Variants in GHR observed in about 807,000 individuals in gnomAD.
GHR encodes the protein GH receptor.
In GHR, 35 loss-of-function variants were observed where a neutral mutation model predicts 67.1. The observed-to-expected ratio is 0.52, with a 90% CI of 0.40 to 0.69. The LOEUF (loss-of-function observed/expected upper bound fraction) is 0.69. Ranked by LOEUF, GHR falls within the 30% of genes least tolerant of loss-of-function variation. The pLI is 0.00. For synonymous variants in GHR, 272 were observed against 269.1 expected (o/e 1.01, Z -0.10); for missense variants, 792 against 764.6 (o/e 1.04, Z -0.42).
At chr5:42,505,948 AT>A (rs1746755483) in intron 1 of GHR, among the ~76,000 whole-genome samples, 1 of 152,202 alleles carries the variant, frequency 6.6e-6, no homozygotes, top group Admixed American at 6.5e-5. Context: ...TCTACAATTT[AT>A]CTCCCAAATT....
At chr5:42,523,610 G>A (rs1176990173) in intron 1 of GHR, among the ~76,000 whole-genome samples, 2 of 152,008 alleles carry the variant, frequency 1.3e-5, no homozygotes, top group Non-Finnish European at 2.9e-5. Flanking sequence ...TCACTGAATG[G>A]CTCTTCCCCT....
intron 2 of GHR, among the ~76,000 whole-genome samples, chr5:42,573,935 G>A (rs1220070124): frequency 7.5e-6 from 1 of 133,310 alleles, no homozygotes; most frequent in Non-Finnish European, 1.6e-5. Context: ...TGTGCTATGT[G>A]TAAATATTAA....
chr5:42,582,469 C>T lies in GHR; in HGVS notation c.70+16525C>T, dbSNP rs114077996. On this transcript the variant is annotated intron_variant, in intron 2 of 9. Coordinates refer to ENST00000230882, the MANE Select transcript of GHR (RefSeq NM_000163.5). ...CCTGCCTATGGATAAGAGCTACCCA[C>T]TTCAGGTCTCCTGAGAACTGTACTG... 6.2e-3 allele frequency among the ~76,000 whole-genome samples: 938 copies of T among 152,352 alleles called. 9 individuals are homozygous for T. Among genetic ancestry groups the T allele is most frequent in the African/African-American group, 0.021 (863 of 41,584 alleles).
chr5:42,576,123 T>TAATAAAATAAAATAA lies in GHR; in HGVS notation c.70+10181_70+10182insTAAAATAAAATAAAA, dbSNP rs1750711505. On this transcript the variant is annotated intron_variant, in intron 2 of 9. Coordinates refer to ENST00000230882, the MANE Select transcript of GHR (RefSeq NM_000163.5). ...ATAAATAAAATAAAATAAAATAAAA[T>TAATAAAATAAAATAA]AAAATAAAATAAAATAAAATAGTAA... Among the ~76,000 whole-genome samples, 318 of 84,912 alleles carry TAATAAAATAAAATAA rather than the reference T, an allele frequency of 3.7e-3. 21 individuals carry two copies. Among genetic ancestry groups the TAATAAAATAAAATAA allele is most frequent in the African/African-American group, 0.015 (290 of 19,472 alleles). 55.7% of individuals were successfully genotyped at this position (84,912 alleles called of 152,430 possible).
chr5:42,424,319 A>C lies in GHR; in HGVS notation c.-12+364A>C. On this transcript the variant is annotated intron_variant, in intron 1 of 9. Coordinates refer to ENST00000230882, the MANE Select transcript of GHR (RefSeq NM_000163.5). This position sits in a 1 kb window ranked among gnomAD's most constrained non-coding sequence, Gnocchi z 4.1. Reference sequence around the variant, plus strand: ...GCGAGTAGTGTACGTGGAGGGGTTTACTCCGGAGACAGTTTTGTTAAAGTC... The same window carrying C: ...GCGAGTAGTGTACGTGGAGGGGTTTCCTCCGGAGACAGTTTTGTTAAAGTC... 1.9e-6 allele frequency: 1 copy of C among 539,482 alleles called. No homozygotes were observed. The allele number at this position is 539,482 out of a possible 1,614,324, so 33.4% of individuals were successfully genotyped here.
intron 1 of GHR, among the ~76,000 whole-genome samples, chr5:42,518,350 T>C (rs1747332144): frequency 6.6e-6 from 1 of 152,072 alleles, no homozygotes; most frequent in Non-Finnish European, 1.5e-5. Context: ...CTTCTTGAGG[T>C]GTAGGGAAAA....
chr5:42,426,092 C>T (rs370713923), intron 1 of GHR, among the ~76,000 whole-genome samples: 1 of 152,180 alleles, frequency 6.6e-6, no homozygotes, highest in Non-Finnish European at 1.5e-5. Flanking sequence ...CTAGAGGCCT[C>T]CTGTATGCTA....
chr5:42,720,901 T>G lies in GHR; in HGVS notation c.*1477T>G, dbSNP rs1758986622. 1 of 141,278 alleles carries G rather than the reference T, an allele frequency of 7.1e-6. No individual in the cohort carries two copies. The highest frequency in any genetic ancestry group is 1.5e-5 in the Non-Finnish European group (1 of 64,810). The allele number at this position is 141,278 out of a possible 1,614,324, so 8.8% of individuals were successfully genotyped here. A position where few individuals can be genotyped will look rare whatever the true frequency, so the allele number is the denominator to read the frequency against. ...TAGAAATCATTTTGCAATCCCTTAATATCCTAAACATCATTCATTTTTGTT... is the reference window on the plus strand; with the variant it reads ...TAGAAATCATTTTGCAATCCCTTAAGATCCTAAACATCATTCATTTTTGTT... On this transcript the variant is annotated 3_prime_UTR_variant, in exon 10 of 10. Coordinates refer to ENST00000230882, the MANE Select transcript of GHR (RefSeq NM_000163.5).
At chr5:42,623,945 T>TGCTAG (rs1753577728) in intron 2 of GHR, among the ~76,000 whole-genome samples, 1 of 152,198 alleles carries the variant, frequency 6.6e-6, no homozygotes. Context: ...AGACATTAGG[T>TGCTAG]ACATGGCTCT....
intron 1 of GHR, among the ~76,000 whole-genome samples, chr5:42,536,931 T>G (rs543163667): frequency 6.6e-6 from 1 of 152,272 alleles, no homozygotes; most frequent in South Asian, 2.1e-4. Flanking sequence ...TCTTCTAGGT[T>G]TTCTAGTTTA....
chr5:42,537,648 A>G (rs1378989820), intron 1 of GHR, among the ~76,000 whole-genome samples: 2 of 152,110 alleles, frequency 1.3e-5, no homozygotes, highest in East Asian at 3.9e-4. Flanking sequence ...GTTGGATGAA[A>G]TGTTCTGTAT....
intron 1 of GHR, among the ~76,000 whole-genome samples, chr5:42,497,833 T>C (rs920386828): frequency 2.2e-4 from 34 of 152,120 alleles, no homozygotes; most frequent in African/African-American, 8.2e-4. Context: ...GAGTCACCTG[T>C]TTACAGGTGA....
chr5:42,669,225 A>G (rs1756149865), intron 3 of GHR, among the ~76,000 whole-genome samples: 1 of 152,232 alleles, frequency 6.6e-6, no homozygotes, highest in African/African-American at 2.4e-5. Flanking sequence ...TGAAGAATGA[A>G]TGAATATTAA....
chr5:42,502,586 G>C (rs1170867318), intron 1 of GHR, among the ~76,000 whole-genome samples: 1 of 151,838 alleles, frequency 6.6e-6, no homozygotes, highest in African/African-American at 2.4e-5. Flanking sequence ...TTGTTCTTTA[G>C]TCAGAAAAAT....
chr5:42,498,005 G>A (rs942724798), intron 1 of GHR, among the ~76,000 whole-genome samples: 7 of 152,170 alleles, frequency 4.6e-5, no homozygotes, highest in South Asian at 2.1e-4. Context: ...TGCCAAGGGG[G>A]AGGTTGGAAG....
intron 8 of GHR, among the ~76,000 whole-genome samples, chr5:42,716,207 C>T (rs1758715313): frequency 6.6e-6 from 1 of 151,220 alleles, no homozygotes; most frequent in African/African-American, 2.4e-5. Flanking sequence ...AGCAGCATGA[C>T]ACAAAGAACC....
chr5:42,527,547 C>G (rs1328346437), intron 1 of GHR, among the ~76,000 whole-genome samples: 1 of 152,176 alleles, frequency 6.6e-6, no homozygotes, highest in Non-Finnish European at 1.5e-5. Flanking sequence ...CACAAGAGCA[C>G]TGTATTCATA....
chr5:42,445,300 C>T (rs749802120), intron 1 of GHR, among the ~76,000 whole-genome samples: 1 of 152,108 alleles, frequency 6.6e-6, no homozygotes, highest in Admixed American at 6.5e-5. Flanking sequence ...AATGTTATTG[C>T]TAATGCACAT....
chr5:42,465,211 G>A (rs1744672131), intron 1 of GHR, among the ~76,000 whole-genome samples: 1 of 152,208 alleles, frequency 6.6e-6, no homozygotes, highest in Non-Finnish European at 1.5e-5. Context: ...GCTGGGCGCA[G>A]AGGCTGCTGT....
Sources: gnomAD v4.1 joint callset for allele counts (sites outside exome capture counted in the v4.1 genomes callset) on GRCh38, gnomAD v4.1.1 for gene constraint, Gnocchi (gnomAD v3.1) non-coding constraint, MANE v1.5 for transcripts, NCBI Gene and HGNC (gene_info 2026-07-23, HGNC 2026-07-21) for gene names.